Variants in MTHFD1L observed in about 807,000 individuals in gnomAD.
The protein encoded by MTHFD1L is monofunctional C1-tetrahydrofolate synthase, mitochondrial.
A neutral mutation model predicts 119.5 loss-of-function variants in MTHFD1L; 81 were observed. The observed-to-expected ratio is 0.68, with a 90% CI of 0.57 to 0.82. The LOEUF (loss-of-function observed/expected upper bound fraction) is 0.82, where lower values mean the gene tolerates loss of function less well. MTHFD1L is among the 40% of genes least tolerant of loss of function. The probability of loss-of-function intolerance (pLI) is 0.00; values close to 1 mark genes in which losing one functional copy is unlikely to be tolerated. For missense variants in MTHFD1L, 1,125 were observed against 1,253.4 expected, an observed-to-expected ratio of 0.90 and a Z score of 1.55; for synonymous variants, 430 against 475.2, an observed-to-expected ratio of 0.90 and a Z score of 1.24.
chr6:151,000,871 T>C (rs765351795), intron 20 of MTHFD1L, among the ~76,000 whole-genome samples: 1 of 152,236 alleles, frequency 6.6e-6, no homozygotes, highest in Non-Finnish European at 1.5e-5. Flanking sequence ...CGCTTCAGAA[T>C]GAGGTACTGT....
intron 26 of MTHFD1L, among the ~76,000 whole-genome samples, chr6:151,048,159 C>T (rs746080288): frequency 6.6e-5 from 10 of 152,152 alleles, no homozygotes; most frequent in Middle Eastern, 3.2e-3. Context: ...GGGGATACAG[C>T]GCCAAACCAT....
At chr6:150,998,830 A>AAAC (rs1224809284) in intron 20 of MTHFD1L, among the ~76,000 whole-genome samples, 1 of 150,532 alleles carries the variant, frequency 6.6e-6, no homozygotes, top group African/African-American at 2.5e-5. Flanking sequence ...TACAAAAAAA[A>AAAC]AAAAAAAACA....
At chr6:151,087,858 G>A (rs1393852713) in intron 26 of MTHFD1L, among the ~76,000 whole-genome samples, 1 of 152,192 alleles carries the variant, frequency 6.6e-6, no homozygotes, top group East Asian at 1.9e-4. Flanking sequence ...GGGTCATGAA[G>A]GGCAAAAGCC....
Position 150,926,936 on chromosome 6 carries a change from A to G in MTHFD1L, c.1256+641A>G, listed in dbSNP as rs915788014. Among the ~76,000 whole-genome samples the G allele has an allele frequency of 3.3e-5, 5 of 152,150 alleles. No homozygotes were observed. Among genetic ancestry groups the G allele is most frequent in the Admixed American group, 2.6e-4 (4 of 15,276 alleles). On this transcript the variant is annotated intron_variant, in intron 11 of 27. Transcript: ENST00000367321. This position sits in a 1 kb window ranked among gnomAD's most constrained non-coding sequence, Gnocchi z 4.3. ...GATGATAGAAAGCAAGGGATTTCAAATATTTATTCAGTGTGACCTGAGGGA... is the reference window on the plus strand; with the variant it reads ...GATGATAGAAAGCAAGGGATTTCAAGTATTTATTCAGTGTGACCTGAGGGA...
At chr6:150,919,311 C>T (rs1383542943) in intron 9 of MTHFD1L, among the ~76,000 whole-genome samples, 2 of 152,000 alleles carry the variant, frequency 1.3e-5, no homozygotes, top group Admixed American at 6.6e-5. Flanking sequence ...GCAACCTCCA[C>T]CTCCTGGGTT....
At chr6:150,957,549 T>A (rs955748923) in intron 17 of MTHFD1L, among the ~76,000 whole-genome samples, 10 of 152,140 alleles carry the variant, frequency 6.6e-5, no homozygotes, top group Non-Finnish European at 1.5e-4. Flanking sequence ...CAGGAAAAAA[T>A]TCTGTGTATT....
At chr6:150,967,610 T>A (rs1738569) in intron 19 of MTHFD1L, among the ~76,000 whole-genome samples, 71,850 of 151,880 alleles carry the variant, frequency 0.47, 17,921 homozygotes, top group South Asian at 0.59. Flanking sequence ...CCTGAAACCT[T>A]CCCAGTCATT....
At position 151,089,687 on chromosome 6, in the gene MTHFD1L, G is replaced by A. The variant is rs1015730912; in HGVS notation, c.2848-2780G>A. On this transcript the variant is annotated intron_variant, in intron 26 of 27. Transcript: ENST00000367321. ...TAGGCAGGAAAATTACCTGGTATGAGTTGTAACCTAGGCAACTGGAAAAAA... is the reference window on the plus strand; with the variant it reads ...TAGGCAGGAAAATTACCTGGTATGAATTGTAACCTAGGCAACTGGAAAAAA... Among the ~76,000 whole-genome samples, 3 of 152,330 alleles carry A rather than the reference G, an allele frequency of 2.0e-5. No individual in the cohort carries two copies. The East Asian group carries it at 5.8e-4, about 29-fold the overall frequency.
chr6:150,959,459 T>C (rs1796120100), intron 17 of MTHFD1L, among the ~76,000 whole-genome samples: 1 of 152,228 alleles, frequency 6.6e-6, no homozygotes, highest in African/African-American at 2.4e-5. Context: ...GTCCCTTTTA[T>C]TCCATGTTGG....
chr6:150,902,970 G>A (rs1785293378), intron 7 of MTHFD1L, among the ~76,000 whole-genome samples: 1 of 152,102 alleles, frequency 6.6e-6, no homozygotes, highest in Non-Finnish European at 1.5e-5. Context: ...GCAGAACTGC[G>A]ACAAAGCTTA....
At position 150,898,908 on chromosome 6, in the gene MTHFD1L, G is replaced by C. The variant is rs771337867; in HGVS notation, c.781-6742G>C. ...GCTGGAGTGCAGGCGCGTGATCTAG[G>C]CTCACTGCAAGCTCTGCCTCCCAGG... On this transcript the variant is annotated intron_variant, in intron 7 of 27. Transcript: ENST00000367321. 6.8e-5 allele frequency: 60 copies of C among 880,258 alleles called. No homozygotes were observed. The South Asian group carries it at 1.0e-3, about 15-fold the overall frequency. 54.5% of individuals were successfully genotyped at this position (880,258 alleles called of 1,614,324 possible).
chr6:151,076,821 T>G (rs1792578484), intron 26 of MTHFD1L, among the ~76,000 whole-genome samples: 1 of 152,130 alleles, frequency 6.6e-6, no homozygotes, highest in South Asian at 2.1e-4. Flanking sequence ...CAAGACATTC[T>G]CTTTCTAAAT....
At chr6:151,092,641 CT>C in intron 27 of MTHFD1L, 54 bp downstream of exon 27, 17 of 1,099,960 alleles carry the variant, frequency 1.5e-5, no homozygotes, top group Admixed American at 5.1e-5. Context: ...AGTTCATATC[CT>C]TTTTTTGTCA....
chr6:151,100,883 G>A (rs555186359), intron 27 of MTHFD1L, among the ~76,000 whole-genome samples: 1 of 152,228 alleles, frequency 6.6e-6, no homozygotes, highest in South Asian at 2.1e-4. Flanking sequence ...ACAAGGCTGG[G>A]CGTGGTGGTT....
chr6:150,900,259 A>G (rs1037240516), intron 7 of MTHFD1L, among the ~76,000 whole-genome samples: 1 of 152,014 alleles, frequency 6.6e-6, no homozygotes, highest in Non-Finnish European at 1.5e-5. Context: ...TTGCTTGACC[A>G]CAGCTGTCAT....
At chr6:151,022,313 G>GA (rs1784052243) in intron 24 of MTHFD1L, 1 of 241,274 alleles carries the variant, frequency 4.1e-6, no homozygotes, top group Non-Finnish European at 8.6e-6. Flanking sequence ...CCTTTACATG[G>GA]ACTTGGAGCA....
At chr6:150,959,756 C>T (rs9478871) in intron 17 of MTHFD1L, among the ~76,000 whole-genome samples, 20,724 of 152,194 alleles carry the variant, frequency 0.14, 1,836 homozygotes, top group Middle Eastern at 0.28. Flanking sequence ...TCTTGACAGA[C>T]CTATTACTAA....
intron 7 of MTHFD1L, among the ~76,000 whole-genome samples, chr6:150,889,812 G>A (rs1205970099): frequency 6.6e-6 from 1 of 152,188 alleles, no homozygotes; most frequent in Non-Finnish European, 1.5e-5. Context: ...ATTTCGGAAA[G>A]CAGTTTAATG....
At chr6:150,877,975 G>A (rs1780737191) in intron 4 of MTHFD1L, 149 bp downstream of exon 4, 5 of 895,122 alleles carry the variant, frequency 5.6e-6, no homozygotes, top group South Asian at 1.6e-5. Flanking sequence ...TTTCTCTAGG[G>A]TAAATGCTTC....
Sources: allele counts gnomAD v4.1 joint callset (sites outside exome capture counted in the v4.1 genomes callset), GRCh38; gene constraint gnomAD v4.1.1; non-coding constraint Gnocchi (gnomAD v3.1); transcripts MANE v1.5; gene names NCBI Gene and HGNC (gene_info 2026-07-23, HGNC 2026-07-21).